WDR35: variants seen among roughly 807,000 people sequenced by gnomAD.
The protein encoded by WDR35 is WD repeat domain 35.
WDR35 carries 118 observed loss-of-function variants against 158.3 expected under a neutral mutation model. The ratio of observed to expected loss-of-function variants is 0.75; its 90% CI spans 0.64 to 0.87. The LOEUF (loss-of-function observed/expected upper bound fraction) is 0.87. WDR35 is among the 40% of genes least tolerant of loss of function. WDR35 has a pLI of 0.00. For missense variants in WDR35, 1,263 were observed against 1,405.8 expected, an observed-to-expected ratio of 0.90 and a Z score of 1.62; for synonymous variants, 448 against 476.1, an observed-to-expected ratio of 0.94 and a Z score of 0.77.
intron 12 of WDR35, among the ~76,000 whole-genome samples, chr2:19,953,185 A>G (rs1052499062): frequency 4.6e-5 from 7 of 152,320 alleles, no homozygotes; most frequent in Middle Eastern, 6.8e-3. Flanking sequence ...ACAGAGTATC[A>G]CTAATGGAGA....
At chr2:19,978,908 G>T in intron 4 of WDR35, 29 bp from the exon 5 acceptor site, 1 of 1,612,238 alleles carries the variant, frequency 6.2e-7, no homozygotes, top group Non-Finnish European at 8.5e-7. Context: ...AAAATTACAA[G>T]TCAAAACTTT....
chr2:19,954,360 AG>A (rs751890626), intron 11 of WDR35, among the ~76,000 whole-genome samples: 1 of 152,250 alleles, frequency 6.6e-6, no homozygotes, highest in Non-Finnish European at 1.5e-5. Flanking sequence ...TGGGCTTCAA[AG>A]GACACTATCA....
chr2:19,982,262 G>A (rs1204390902), intron 3 of WDR35, among the ~76,000 whole-genome samples: 1 of 152,180 alleles, frequency 6.6e-6, no homozygotes, highest in African/African-American at 2.4e-5. Flanking sequence ...GCAGAGCTAC[G>A]ATGTTCAGTA....
At chr2:19,986,893 G>T (rs1013249344) in intron 2 of WDR35, among the ~76,000 whole-genome samples, 1 of 152,150 alleles carries the variant, frequency 6.6e-6, no homozygotes, top group Admixed American at 6.5e-5. Flanking sequence ...CACACTCTTC[G>T]ATCCAGTGAA....
intron 8 of WDR35, 46 bp downstream of exon 8, chr2:19,973,517 T>C (rs371822734): frequency 6.8e-5 from 109 of 1,613,680 alleles, no homozygotes; most frequent in Non-Finnish European, 9.1e-5. Flanking sequence ...CCTTACTCAC[T>C]GCACATTTAA....
At chr2:19,949,489 G>C (rs181178899) in intron 13 of WDR35, among the ~76,000 whole-genome samples, 1 of 152,294 alleles carries the variant, frequency 6.6e-6, no homozygotes, top group African/African-American at 2.4e-5. Context: ...TGTACTGTTC[G>C]ATATGGTAGC....
At position 19,913,482 on chromosome 2, in the gene WDR35, C is replaced by T; in HGVS notation, c.*76G>A. 1 of 1,562,202 alleles carries T rather than the reference C, an allele frequency of 6.4e-7. No homozygotes were observed. The highest frequency in any genetic ancestry group is 1.2e-5 in the South Asian group (1 of 86,674). On this transcript the variant is annotated 3_prime_UTR_variant, in exon 27 of 27. Coordinates refer to ENST00000281405, the MANE Select transcript of WDR35 (RefSeq NM_020779.4). ...TTCATACAAAACTCACAGAAATAAA[C>T]CTTATTACATATACAGCATATAGCC...
intron 17 of WDR35, 148 bp from the exon 18 acceptor site, chr2:19,938,549 T>TG: frequency 9.0e-7 from 1 of 1,114,274 alleles, no homozygotes; most frequent in Admixed American, 2.7e-5. Context: ...TCTTCACGTT[T>TG]GGGTCTTTTG....
At chr2:19,978,958 A>T in intron 4 of WDR35, 79 bp from the exon 5 acceptor site, 1 of 1,573,234 alleles carries the variant, frequency 6.4e-7, no homozygotes. Flanking sequence ...AAAGCATTCC[A>T]TAAAGTACGC....
intron 18 of WDR35, 34 bp downstream of exon 18, chr2:19,938,231 T>C: frequency 6.2e-7 from 1 of 1,613,836 alleles, no homozygotes; most frequent in Non-Finnish European, 8.5e-7. Flanking sequence ...AACCTACACC[T>C]GACATCCTGG....
intron 14 of WDR35, among the ~76,000 whole-genome samples, chr2:19,947,338 GAA>G (rs1159653846): frequency 6.6e-6 from 1 of 152,084 alleles, no homozygotes; most frequent in Non-Finnish European, 1.5e-5. Flanking sequence ...AGAAAGGAGG[GAA>G]TACTATAGAA....
At chr2:19,972,955 C>T (rs889153121) in intron 8 of WDR35, among the ~76,000 whole-genome samples, 1 of 151,878 alleles carries the variant, frequency 6.6e-6, no homozygotes, top group Admixed American at 6.6e-5. Context: ...TGACATTTTC[C>T]AATGCTACTT....
In WDR35 at chr2:19,975,627, T is replaced by C. The variant is rs540661513; in HGVS notation, c.473A>G (p.Gln158Arg). Residue 158 changes from glutamine (Q) to arginine (R), a missense_variant, in exon 6 of 27, where the codon CAG (glutamine) becomes CGG (arginine). By Grantham distance (43) the Gln-to-Arg change is conservative. Coordinates refer to ENST00000281405, the MANE Select transcript of WDR35 (RefSeq NM_020779.4). Reference protein sequence around the residue: ...RIWGKDLKGIQLSHVTWSADS... With the variant: ...RIWGKDLKGIRLSHVTWSADS... ...CGCAGACCATGTTACATGGGATAGC[T>C]GTATACCCTTCAGGTCTTTTCCCCA... The C allele has an allele frequency of 6.2e-6, 10 of 1,614,094 alleles. No individual in the cohort carries two copies. The South Asian group carries it at 8.8e-5, about 14-fold the overall frequency.
chr2:19,952,915 T>A (rs1031505370), intron 12 of WDR35, among the ~76,000 whole-genome samples: 6 of 148,032 alleles, frequency 4.1e-5, no homozygotes, highest in African/African-American at 1.5e-4. Context: ...CAGCCTCCCA[T>A]CAACATACTT....
Position 19,990,046 on chromosome 2 carries a change from G to T in WDR35, c.-31C>A. ...GATCCCCGAGAGGGTCACGGCGGCC[G>T]CTAAGGCCCTCGACAAGTAACGGTT... is the stretch of plus-strand genomic sequence containing the variant. On this transcript the variant is annotated 5_prime_UTR_variant, in exon 1 of 27. Transcript: ENST00000281405. 6.2e-7 allele frequency: 1 copy of T among 1,613,028 alleles called. No individual in the cohort carries two copies. The highest frequency in any genetic ancestry group is 8.5e-7 in the Non-Finnish European group (1 of 1,179,496).
At chr2:19,978,197 C>CACACACACACACACAG (rs1672270581) in intron 5 of WDR35, among the ~76,000 whole-genome samples, 1 of 91,774 alleles carries the variant, frequency 1.1e-5, no homozygotes, top group Admixed American at 1.2e-4. Flanking sequence ...CACACACAGA[C>CACACACACACACACAG]ACACACACAC....
intron 18 of WDR35, 102 bp from the exon 19 acceptor site, chr2:19,938,048 A>T: frequency 4.8e-6 from 7 of 1,470,202 alleles, no homozygotes; most frequent in Non-Finnish European, 6.5e-6. Flanking sequence ...TTATTTCTAG[A>T]GAAACATGGT....
At chr2:19,988,184 C>T (rs1672631457) in intron 2 of WDR35, among the ~76,000 whole-genome samples, 1 of 152,184 alleles carries the variant, frequency 6.6e-6, no homozygotes, top group African/African-American at 2.4e-5. Context: ...ATTTTCTCAC[C>T]TAGAATACCT....
At chr2:19,968,127 G>A (rs1305043491) in intron 9 of WDR35, among the ~76,000 whole-genome samples, 4 of 152,104 alleles carry the variant, frequency 2.6e-5, no homozygotes, top group African/African-American at 4.8e-5. Flanking sequence ...TGCTTAGATT[G>A]GACTTCAGGT....
Sources: allele counts gnomAD v4.1 joint callset (sites outside exome capture counted in the v4.1 genomes callset), GRCh38; gene constraint gnomAD v4.1.1; transcripts MANE v1.5; gene names NCBI Gene and HGNC (gene_info 2026-07-23, HGNC 2026-07-21).